FBXL20: variants seen among roughly 807,000 people sequenced by gnomAD.
FBXL20 encodes the protein F-box and leucine rich repeat protein 20, also known as F-box/LRR-repeat protein 20.
FBXL20 carries 11 observed loss-of-function variants against 64.0 expected under a neutral mutation model. The observed-to-expected ratio is 0.17, with a 90% confidence interval of 0.11 to 0.28. The LOEUF (loss-of-function observed/expected upper bound fraction) is 0.28, where lower values mean the gene tolerates loss of function less well. Ranked by LOEUF, FBXL20 falls within the 10% of genes least tolerant of loss-of-function variation. The pLI is 1.00. For missense variants in FBXL20, 303 were observed against 526.2 expected, an observed-to-expected ratio of 0.58 and a Z score of 4.15; for synonymous variants, 184 against 189.0, an observed-to-expected ratio of 0.97 and a Z score of 0.22.
intron 3 of FBXL20, among the ~76,000 whole-genome samples, chr17:39,302,900 T>A (rs2047150583): frequency 6.6e-6 from 1 of 151,894 alleles, no homozygotes; most frequent in African/African-American, 2.4e-5. Context: ...AAAGATACTA[T>A]CATTGCTCTG....
chr17:39,332,734 G>T (rs1273428131), intron 2 of FBXL20, among the ~76,000 whole-genome samples: 1 of 151,270 alleles, frequency 6.6e-6, no homozygotes, highest in Non-Finnish European at 1.5e-5. Flanking sequence ...GTACAGATGG[G>T]GTTTCACCGT....
At chr17:39,402,020 C>T, upstream of FBXL20, 1 of 631,648 alleles carries the variant, frequency 1.6e-6, no homozygotes, top group Non-Finnish European at 2.3e-6. Context: ...CCGTGTCCCC[C>T]TCTCCTCCCT....
intron 1 of FBXL20, among the ~76,000 whole-genome samples, chr17:39,370,973 C>A (rs2144635188): frequency 6.6e-6 from 1 of 152,232 alleles, no homozygotes. Flanking sequence ...AATCCCAGCA[C>A]TTTTGGAGGC....
rs189629722 is a variant in FBXL20, at chr17:39,312,002, T to A, written c.105-8363A>T. ...TCCTAATTCTGTTCTTAGAATGTCC[T>A]GAAGGGGTTCTAAGTATTAAGATGT... On this transcript the variant is annotated intron_variant, in intron 2 of 14. Transcript: ENST00000264658. Among the ~76,000 whole-genome samples the A allele has an allele frequency of 9.1e-3, 1,392 of 152,336 alleles. 17 individuals carry two copies. Among genetic ancestry groups the A allele is most frequent in the African/African-American group, 0.032 (1,315 of 41,574 alleles).
At chr17:39,287,627 A>C (rs907938049) in intron 6 of FBXL20, among the ~76,000 whole-genome samples, 3 of 152,074 alleles carry the variant, frequency 2.0e-5, no homozygotes, top group African/African-American at 7.2e-5. Context: ...CTAGTCTCGA[A>C]CTTTTGGCCT....
intron 11 of FBXL20, among the ~76,000 whole-genome samples, chr17:39,269,535 G>A (rs570838093): frequency 7.7e-6 from 1 of 130,152 alleles, no homozygotes; most frequent in South Asian, 2.4e-4. Flanking sequence ...AGTTTCGCTC[G>A]TTGCCCAGAC....
chr17:39,264,155 A>G lies in FBXL20; in HGVS notation c.1203+20T>C. The G allele has an allele frequency of 6.2e-7, 1 of 1,609,296 alleles. No individual in the cohort carries two copies. The highest frequency in any genetic ancestry group is 8.5e-7 in the Non-Finnish European group (1 of 1,175,794). ...AGTGCTGCTAACACTAGAGTTGGAGAGTTATGTAGCCATTTTTACCCTGAG... is the reference window on the plus strand; with the variant it reads ...AGTGCTGCTAACACTAGAGTTGGAGGGTTATGTAGCCATTTTTACCCTGAG... On this transcript the variant is annotated intron_variant, in intron 14 of 14. Transcript: ENST00000264658.
chr17:39,366,182 G>A (rs892715447), intron 1 of FBXL20, among the ~76,000 whole-genome samples: 1 of 151,970 alleles, frequency 6.6e-6, no homozygotes, highest in African/African-American at 2.4e-5. Flanking sequence ...TTTAAATTAA[G>A]CGTCCGTGTG....
Position 39,283,270 on chromosome 17 carries a change from T to C in FBXL20, c.495-415A>G, listed in dbSNP as rs1193373198. On this transcript the variant is annotated intron_variant, in intron 7 of 14. Transcript: ENST00000264658. ...GTTGAGTATCCCTTATCTTAAATGC[T>C]TGGTACCAGCAGTGTTTCAGATTTC... is the stretch of plus-strand genomic sequence containing the variant. Among the ~76,000 whole-genome samples the C allele has an allele frequency of 2.6e-5, 4 of 152,188 alleles. No individual in the cohort carries two copies. In the East Asian group the frequency reaches 7.7e-4, roughly 29 times the overall value.
At chr17:39,343,520 A>G (rs1213548699) in intron 1 of FBXL20, among the ~76,000 whole-genome samples, 1 of 152,132 alleles carries the variant, frequency 6.6e-6, no homozygotes, top group African/African-American at 2.4e-5. Context: ...TTTAATCTTC[A>G]TACCATCCCT....
At chr17:39,280,749 A>G (rs1226721136) in intron 9 of FBXL20, among the ~76,000 whole-genome samples, 1 of 152,074 alleles carries the variant, frequency 6.6e-6, no homozygotes, top group Non-Finnish European at 1.5e-5. Flanking sequence ...TAATTTGACG[A>G]GTATATATTG....
intron 2 of FBXL20, among the ~76,000 whole-genome samples, chr17:39,313,785 G>A (rs1338744027): frequency 2.6e-5 from 4 of 151,956 alleles, no homozygotes; most frequent in African/African-American, 7.3e-5. Flanking sequence ...ACAGGCATGC[G>A]CCACCATACC....
intron 2 of FBXL20, among the ~76,000 whole-genome samples, chr17:39,318,086 C>T (rs941080487): frequency 9.2e-5 from 14 of 151,918 alleles, no homozygotes; most frequent in African/African-American, 3.4e-4. Flanking sequence ...AATCCCTGCC[C>T]TCAAGCCATA....
In FBXL20 at chr17:39,261,354, G is replaced by A. The variant is rs1487488665; in HGVS notation, c.*106C>T. 2 of 918,276 alleles carry A rather than the reference G, an allele frequency of 2.2e-6. No homozygotes were observed. The highest frequency in any genetic ancestry group is 2.4e-5 in the East Asian group (1 of 41,006). The allele number at this position is 918,276 out of a possible 1,614,324, so 56.9% of individuals were successfully genotyped here. A position where few individuals can be genotyped will look rare whatever the true frequency, so the allele number is the denominator to read the frequency against. ...TCTGGACACTGCCCTCCCTCACTTT[G>A]TAACCCTTGCTCAGAACACTGGGGT... On this transcript the variant is annotated 3_prime_UTR_variant, in exon 15 of 15. Transcript: ENST00000264658.
At chr17:39,397,516 A>G (rs1158178800) in intron 1 of FBXL20, among the ~76,000 whole-genome samples, 1 of 152,152 alleles carries the variant, frequency 6.6e-6, no homozygotes, top group Non-Finnish European at 1.5e-5. Context: ...CAACAGTACT[A>G]CATCCTCATA....
chr17:39,401,369 T>A lies in FBXL20; in HGVS notation c.34A>T (p.Arg12Trp). 2 of 1,612,904 alleles carry A rather than the reference T, an allele frequency of 1.2e-6. No individual in the cohort carries two copies. Among genetic ancestry groups the A allele is most frequent in the Non-Finnish European group, 1.7e-6 (2 of 1,179,468 alleles). The part of the protein sequence containing the change: ...RRDVNGVTKS[R>W]FEMFSNSDEA... ...GCCCCCCAAGCTCACACCTCAAACC[T>A]GCTCTTGGTCACTCCGTTCACGTCC... The change falls in exon 1 of 15, where the codon AGG becomes TGG. Residue 12 changes from arginine (R) to tryptophan (W), a missense_variant. By Grantham distance (101) the Arg-to-Trp change is moderately radical. This residue lies in a region of FBXL20 where 246 missense variants were observed against 422.6 expected (regional missense o/e 0.58). Coordinates refer to ENST00000264658, the MANE Select transcript of FBXL20 (RefSeq NM_032875.3).
intron 2 of FBXL20, among the ~76,000 whole-genome samples, chr17:39,334,688 C>T (rs2047503407): frequency 6.6e-6 from 1 of 152,228 alleles, no homozygotes; most frequent in South Asian, 2.1e-4. Context: ...TAGGTAATAA[C>T]AGTCCTTATT....
chr17:39,317,689 GT>G (rs756785816), intron 2 of FBXL20, among the ~76,000 whole-genome samples: 45 of 47,144 alleles, frequency 9.5e-4, no homozygotes, highest in East Asian at 5.6e-4. Context: ...TTTTTTTTTT[GT>G]TTTTTTTTTT....
chr17:39,392,235 T>C (rs1021306776), intron 1 of FBXL20, among the ~76,000 whole-genome samples: 5 of 151,218 alleles, frequency 3.3e-5, no homozygotes, highest in Admixed American at 6.6e-5. Flanking sequence ...AGATCAGGAG[T>C]TTGAGACCAG....
Sources: gnomAD v4.1 joint callset for allele counts (sites outside exome capture counted in the v4.1 genomes callset) on GRCh38, gnomAD v4.1.1 for gene constraint, gnomAD v4.1.1 regional missense constraint, MANE v1.5 for transcripts, NCBI Gene and HGNC (gene_info 2026-07-23, HGNC 2026-07-21) for gene names.